KCNMA1: variants seen among roughly 807,000 people sequenced by gnomAD.
KCNMA1 encodes Calcium-activated potassium channel subunit alpha-1.
A neutral mutation model predicts 140.0 loss-of-function variants in KCNMA1; 29 were observed. That is an observed-to-expected ratio of 0.21 (90% CI 0.15 to 0.28). The LOEUF (loss-of-function observed/expected upper bound fraction) is 0.28. Ranked by LOEUF, KCNMA1 falls within the 10% of genes least tolerant of loss-of-function variation. The pLI, the probability that KCNMA1 is intolerant of heterozygous loss-of-function variation, is 1.00. For missense variants in KCNMA1, 880 were observed against 1,602.2 expected (o/e 0.55, Z 7.70); for synonymous variants, 612 against 611.9 (o/e 1.00, Z 0.00).
chr10:77,531,158 G>A (rs946146054), intron 1 of KCNMA1, among the ~76,000 whole-genome samples: 5 of 152,180 alleles, frequency 3.3e-5, no homozygotes, highest in Non-Finnish European at 5.9e-5. Context: ...AAACTTGGGT[G>A]TGCCTGATTC....
At position 76,963,041 on chromosome 10, in the gene KCNMA1, C is replaced by A. The variant is rs149409449; in HGVS notation, c.2360+6933G>T. Among the ~76,000 whole-genome samples the A allele has an allele frequency of 4.6e-3, 703 of 152,324 alleles. 2 individuals are homozygous for A. The highest frequency in any genetic ancestry group is 0.015 in the African/African-American group (632 of 41,574). On this transcript the variant is annotated intron_variant, in intron 20 of 27. Coordinates refer to ENST00000286628, the MANE Select transcript of KCNMA1 (RefSeq NM_001161352.2). ...TGTGAAGGACAACCCTAAATTATGT[C>A]TCTAACCAGTCAAGGCTGCCTGAAG...
intron 19 of KCNMA1, among the ~76,000 whole-genome samples, chr10:76,975,654 C>A (rs1157092396): frequency 6.6e-6 from 1 of 152,126 alleles, no homozygotes; most frequent in Non-Finnish European, 1.5e-5. Flanking sequence ...GAGTAGTGGG[C>A]AGTATCAGGG....
At chr10:76,907,399 A>T (rs1394766173) in intron 25 of KCNMA1, among the ~76,000 whole-genome samples, 1 of 152,182 alleles carries the variant, frequency 6.6e-6, no homozygotes, top group Non-Finnish European at 1.5e-5. Context: ...TGGCTACCAT[A>T]TGCCCCTTTG....
At chr10:77,396,050 CA>C (rs1348713453) in intron 2 of KCNMA1, among the ~76,000 whole-genome samples, 1 of 152,094 alleles carries the variant, frequency 6.6e-6, no homozygotes, top group Non-Finnish European at 1.5e-5. Context: ...AATACAGAAC[CA>C]CTATTAAGTC....
intron 1 of KCNMA1, among the ~76,000 whole-genome samples, chr10:77,560,423 G>A (rs1477872286): frequency 1.3e-5 from 2 of 152,220 alleles, no homozygotes; most frequent in Admixed American, 6.5e-5. Flanking sequence ...AAAAGCTTTT[G>A]AAAGCCCCTG....
rs1370963813 is a variant in KCNMA1 at position 77,427,712 on chromosome 10, CATCCATTCATTTATTTATTTATTT to C, written c.379-23713_379-23690del. On this transcript the variant is annotated intron_variant, in intron 1 of 27. Coordinates refer to ENST00000286628, the MANE Select transcript of KCNMA1 (RefSeq NM_001161352.2). ...AATAAGTCATCCAATCCTGAGCATC[CATCCATTCATTTATTTATTTATTT>C]ATTTATTTATTTATTTATTTATTTA... is the stretch of plus-strand genomic sequence containing the variant. Among the ~76,000 whole-genome samples the C allele has an allele frequency of 5.6e-3, 409 of 73,330 alleles. 4 individuals carry two copies. Among genetic ancestry groups the C allele is most frequent in the African/African-American group, 0.019 (383 of 19,672 alleles). 48.1% of individuals were successfully genotyped at this position (73,330 alleles called of 152,430 possible). A position where few individuals can be genotyped will look rare whatever the true frequency, so the allele number is the denominator to read the frequency against.
intron 2 of KCNMA1, among the ~76,000 whole-genome samples, chr10:77,396,256 G>A (rs2096052087): frequency 1.3e-5 from 2 of 152,168 alleles, no homozygotes; most frequent in South Asian, 4.1e-4. Context: ...GGCCAATGAT[G>A]TAAGAATTTT....
intron 2 of KCNMA1, among the ~76,000 whole-genome samples, chr10:77,273,358 G>GA (rs951084023): frequency 3.3e-5 from 5 of 151,630 alleles, no homozygotes; most frequent in Admixed American, 6.6e-5. Context: ...CATTTGAAGG[G>GA]AAAAAAAATC....
chr10:77,249,815 A>G (rs2059349077), intron 3 of KCNMA1: 1 of 152,210 alleles, frequency 6.6e-6, no homozygotes, highest in South Asian at 2.1e-4. Flanking sequence ...GAGTCTTCCA[A>G]ACTTAAACAA....
chr10:77,632,119 AC>A (rs2093285066), intron 1 of KCNMA1, among the ~76,000 whole-genome samples: 1 of 152,086 alleles, frequency 6.6e-6, no homozygotes, highest in African/African-American at 2.4e-5. Flanking sequence ...GGGCATTTTA[AC>A]CACTTTCTCT....
chr10:77,436,853 T>C (rs775371810), intron 1 of KCNMA1, among the ~76,000 whole-genome samples: 3 of 152,126 alleles, frequency 2.0e-5, no homozygotes, highest in Non-Finnish European at 2.9e-5. Flanking sequence ...GCTTAAAATT[T>C]ATTACAGGTC....
chr10:77,163,762 A>G (rs1334183376), intron 5 of KCNMA1, among the ~76,000 whole-genome samples: 1 of 152,224 alleles, frequency 6.6e-6, no homozygotes, highest in Non-Finnish European at 1.5e-5. Flanking sequence ...CAAATTGTCT[A>G]GTGCCAAGGT....
At chr10:77,547,063 A>C (rs1303044805) in intron 1 of KCNMA1, among the ~76,000 whole-genome samples, 1 of 152,204 alleles carries the variant, frequency 6.6e-6, no homozygotes, top group Non-Finnish European at 1.5e-5. Context: ...CCATAACTCC[A>C]CACAGGAACC....
intron 1 of KCNMA1, among the ~76,000 whole-genome samples, chr10:77,412,093 C>T (rs911138921): frequency 9.2e-5 from 14 of 152,216 alleles, no homozygotes; most frequent in African/African-American, 2.9e-4. Context: ...AAACCATCTC[C>T]GCTAGCCCTT....
At chr10:77,012,271 A>G in intron 17 of KCNMA1, 1 of 1,460,274 alleles carries the variant, frequency 6.8e-7, no homozygotes, top group Non-Finnish European at 9.0e-7. Flanking sequence ...ATAAACTTCC[A>G]TTTACAAAGA....
chr10:77,022,256 T>C (rs2092947154), intron 16 of KCNMA1, among the ~76,000 whole-genome samples: 1 of 152,182 alleles, frequency 6.6e-6, no homozygotes. Flanking sequence ...AATTCACTAG[T>C]TTATCAGAGA....
At chr10:77,527,752 A>G (rs2056316277) in intron 1 of KCNMA1, among the ~76,000 whole-genome samples, 1 of 152,176 alleles carries the variant, frequency 6.6e-6, no homozygotes, top group Non-Finnish European at 1.5e-5. Context: ...AGGAGGCACA[A>G]GGAAGGAGTG....
intron 14 of KCNMA1, among the ~76,000 whole-genome samples, chr10:77,045,687 T>A (rs1252235093): frequency 1.3e-5 from 2 of 152,234 alleles, no homozygotes; most frequent in African/African-American, 4.8e-5. Context: ...GGTGGGTTGG[T>A]AATGATGCCT....
chr10:77,506,621 T>TGTGTGTGTGTGTGTGTG (rs1567212159), intron 1 of KCNMA1, among the ~76,000 whole-genome samples: 2 of 54,012 alleles, frequency 3.7e-5, no homozygotes, highest in African/African-American at 2.2e-4. Flanking sequence ...GTGTGTGTGT[T>TGTGTGTGTGTGTGTGTG]AGAGAGGGAG....
Sources: allele counts gnomAD v4.1 joint callset (sites outside exome capture counted in the v4.1 genomes callset), GRCh38; gene constraint gnomAD v4.1.1; transcripts MANE v1.5; gene names NCBI Gene and HGNC (gene_info 2026-07-23, HGNC 2026-07-21).